Variants in WWOX observed in about 807,000 individuals in gnomAD.
WWOX encodes WW domain-containing oxidoreductase.
In WWOX, 69 loss-of-function variants were observed where a neutral mutation model predicts 46.2. The observed-to-expected ratio is 1.49, with a 90% confidence interval of 1.23 to 1.82. The LOEUF (loss-of-function observed/expected upper bound fraction) is 1.82. Among genes scored for constraint, WWOX ranks in the 40% most tolerant of loss-of-function variants. WWOX has a pLI of 0.00. For synonymous variants in WWOX, 359 were observed against 202.6 expected (o/e 1.77, Z -6.56); for missense variants, 919 against 542.6 (o/e 1.69, Z -6.89).
chr16:78,635,519 T>C (rs781303482), intron 8 of WWOX, among the ~76,000 whole-genome samples: 16 of 152,148 alleles, frequency 1.1e-4, no homozygotes, highest in Non-Finnish European at 2.2e-4. Context: ...GCCACTTACT[T>C]TCTGGCGGGT....
At chr16:78,615,588 T>A (rs1257236965) in intron 8 of WWOX, among the ~76,000 whole-genome samples, 1 of 151,890 alleles carries the variant, frequency 6.6e-6, no homozygotes, top group Admixed American at 6.6e-5. Flanking sequence ...GCCCAGGAGT[T>A]GGAGGTTGCT....
chr16:79,082,492 G>A (rs1291670831), intron 8 of WWOX, among the ~76,000 whole-genome samples: 2 of 152,172 alleles, frequency 1.3e-5, no homozygotes, highest in African/African-American at 2.4e-5. Context: ...ATAGACCTAT[G>A]GAGATGTTGA....
At chr16:78,190,417 T>A (rs1039476861) in intron 5 of WWOX, among the ~76,000 whole-genome samples, 2 of 152,162 alleles carry the variant, frequency 1.3e-5, no homozygotes, top group African/African-American at 4.8e-5. Flanking sequence ...GGAGCAAGTT[T>A]TGGCTGAGTT....
chr16:78,894,020 T>TTATTATTATTATTATTATTA (rs1555561422), intron 8 of WWOX, among the ~76,000 whole-genome samples: 4 of 140,078 alleles, frequency 2.9e-5, no homozygotes, highest in Admixed American at 7.4e-5. Flanking sequence ...TATTGAGGCT[T>TTATTATTATTATTATTATTA]TTATTATTAT....
At chr16:78,303,554 G>GT (rs1157097584) in intron 5 of WWOX, among the ~76,000 whole-genome samples, 4 of 152,078 alleles carry the variant, frequency 2.6e-5, no homozygotes, top group Non-Finnish European at 5.9e-5. Context: ...TTGGTTTTTT[G>GT]TTTTTTTGAG....
chr16:78,464,029 G>A (rs1026187482), intron 8 of WWOX, among the ~76,000 whole-genome samples: 7 of 152,126 alleles, frequency 4.6e-5, no homozygotes, highest in Non-Finnish European at 8.8e-5. Flanking sequence ...GCAAGGCAGT[G>A]GGCTGTTGTA....
At chr16:79,038,017 A>G (rs933980447) in intron 8 of WWOX, among the ~76,000 whole-genome samples, 1 of 152,132 alleles carries the variant, frequency 6.6e-6, no homozygotes, top group Non-Finnish European at 1.5e-5. Context: ...CCAGGCTCCA[A>G]TATCTGCCAG....
At position 78,706,058 on chromosome 16, in the gene WWOX, G is replaced by GTTTTTTT. The variant is rs3051058; in HGVS notation, c.1056+273321_1056+273327dup. The stretch of plus-strand genomic sequence containing the variant: ...TTGTCTCCAGTCAGAGTTATGGCAG[G>GTTTTTTT]TTTTTTTTTTTTTTTTTTTTTGACT... On this transcript the variant is annotated intron_variant, in intron 8 of 8. Transcript: ENST00000566780. Among the ~76,000 whole-genome samples, 23 of 106,420 alleles carry GTTTTTTT rather than the reference G, an allele frequency of 2.2e-4. 1 individual carries two copies. Among genetic ancestry groups the GTTTTTTT allele is most frequent in the Non-Finnish European group, 3.4e-4 (19 of 56,532 alleles). The allele number at this position is 106,420 out of a possible 152,430, so 69.8% of individuals were successfully genotyped here.
chr16:78,706,075 T>TTC (rs1458385093), intron 8 of WWOX, among the ~76,000 whole-genome samples: 1 of 151,124 alleles, frequency 6.6e-6, no homozygotes, highest in African/African-American at 2.4e-5. Flanking sequence ...TTTTTTTTTT[T>TTC]TTTTGACTAA....
At position 78,551,259 on chromosome 16, in the gene WWOX, T is replaced by C. The variant is rs1002418689; in HGVS notation, c.1056+118507T>C. 11 of 152,224 alleles carry C rather than the reference T, an allele frequency of 7.2e-5. 1 individual carries two copies. The highest frequency in any genetic ancestry group is 3.3e-4 in the Admixed American group (5 of 15,282). The allele number at this position is 152,224 out of a possible 1,614,324, so 9.4% of individuals were successfully genotyped here. A position where few individuals can be genotyped will look rare whatever the true frequency, so the allele number is the denominator to read the frequency against. ...TTGAAGAAACCTAATGAAAACAGCA[T>C]GCTCCTATATCTTTTTTCTGGGTGA... On this transcript the variant is annotated intron_variant, in intron 8 of 8. Coordinates refer to ENST00000566780, the MANE Select transcript of WWOX (RefSeq NM_016373.4).
chr16:78,594,704 C>T, intron 8 of WWOX, among the ~76,000 whole-genome samples: 1 of 152,066 alleles, frequency 6.6e-6, no homozygotes. Flanking sequence ...ACACCTTTCT[C>T]CTTTGTCCCT....
At chr16:78,650,044 C>T (rs1314037917) in intron 8 of WWOX, among the ~76,000 whole-genome samples, 1 of 152,100 alleles carries the variant, frequency 6.6e-6, no homozygotes, top group Admixed American at 6.5e-5. Context: ...GCCTATTGTA[C>T]TTTATCTGTG....
intron 8 of WWOX, among the ~76,000 whole-genome samples, chr16:78,749,159 G>A (rs73571702): frequency 7.9e-5 from 12 of 152,272 alleles, no homozygotes; most frequent in African/African-American, 2.2e-4. Context: ...GCATGGGTAC[G>A]CAGATAAAAC....
chr16:78,496,716 T>C (rs1403794539), intron 8 of WWOX, among the ~76,000 whole-genome samples: 1 of 152,256 alleles, frequency 6.6e-6, no homozygotes, highest in Non-Finnish European at 1.5e-5. Context: ...CAACTCACTA[T>C]GTAAAACCAA....
At chr16:78,508,356 TTGTTAG>T (rs1189180829) in intron 8 of WWOX, among the ~76,000 whole-genome samples, 1 of 144,902 alleles carries the variant, frequency 6.9e-6, no homozygotes, top group African/African-American at 2.6e-5. Context: ...TCATCAGCTA[TTGTTAG>T]TGTTAGTGTA....
intron 8 of WWOX, among the ~76,000 whole-genome samples, chr16:78,932,726 C>G (rs1597168960): frequency 6.6e-6 from 1 of 152,176 alleles, no homozygotes; most frequent in Non-Finnish European, 1.5e-5. Context: ...GAGAGCTGGC[C>G]CATTGCTCAG....
At chr16:78,320,551 A>G (rs1233081172) in intron 5 of WWOX, among the ~76,000 whole-genome samples, 1 of 152,172 alleles carries the variant, frequency 6.6e-6, no homozygotes, top group Non-Finnish European at 1.5e-5. Flanking sequence ...TGCCAAACCT[A>G]ATTATCTGGA....
intron 5 of WWOX, among the ~76,000 whole-genome samples, chr16:78,284,760 T>C (rs1671419055): frequency 6.6e-6 from 1 of 152,192 alleles, no homozygotes. Context: ...ATGCAATAGA[T>C]GCAGTAAAGA....
chr16:78,391,657 G>A (rs917366600), intron 6 of WWOX, among the ~76,000 whole-genome samples: 8 of 152,156 alleles, frequency 5.3e-5, no homozygotes, highest in African/African-American at 1.9e-4. Context: ...AGAACAGCCT[G>A]GCCAACATGG....
Sources: allele counts gnomAD v4.1 joint callset (sites outside exome capture counted in the v4.1 genomes callset), GRCh38; gene constraint gnomAD v4.1.1; transcripts MANE v1.5; gene names NCBI Gene and HGNC (gene_info 2026-07-23, HGNC 2026-07-21).